PAFAH1B2: variants seen among roughly 807,000 people sequenced by gnomAD.
PAFAH1B2 encodes platelet-activating factor acetylhydrolase IB subunit alpha2.
Under a neutral mutation model 28.0 loss-of-function variants are expected in PAFAH1B2, and 8 were observed. The observed-to-expected ratio is 0.29, with a 90% CI of 0.17 to 0.52. The LOEUF (loss-of-function observed/expected upper bound fraction) is 0.52. Ranked by LOEUF, PAFAH1B2 falls within the 20% of genes least tolerant of loss-of-function variation. The probability of loss-of-function intolerance (pLI) is 0.97; values close to 1 mark genes in which losing one functional copy is unlikely to be tolerated. For synonymous variants in PAFAH1B2, 104 were observed against 103.2 expected (o/e 1.01, Z -0.05); for missense variants, 190 against 282.6 (o/e 0.67, Z 2.35).
chr11:117,171,371 A>G (rs1956645905), downstream of PAFAH1B2, among the ~76,000 whole-genome samples: 1 of 152,158 alleles, frequency 6.6e-6, no homozygotes, highest in Admixed American at 6.5e-5. Flanking sequence ...GGTGAATGTC[A>G]TCAGTCAGTA....
In PAFAH1B2 at chr11:117,169,706, T is replaced by A; in HGVS notation, c.*2007T>A. On this transcript the variant is annotated 3_prime_UTR_variant, in exon 6 of 6. Coordinates refer to ENST00000527958, the MANE Select transcript of PAFAH1B2 (RefSeq NM_002572.4). ...TACGACATTAAAAATTTCCTTTTTA[T>A]TTTTAGTAGCCCAGGTTGAGTTTTT... 1 of 1,057,638 alleles carries A rather than the reference T, an allele frequency of 9.5e-7. No homozygotes were observed. The highest frequency in any genetic ancestry group is 1.1e-6 in the Non-Finnish European group (1 of 874,566). 65.5% of individuals were successfully genotyped at this position (1,057,638 alleles called of 1,614,324 possible). A position where few individuals can be genotyped will look rare whatever the true frequency, so the allele number is the denominator to read the frequency against.
intron 2 of PAFAH1B2, among the ~76,000 whole-genome samples, chr11:117,158,641 T>C (rs996576575): frequency 9.6e-3 from 51 of 5,310 alleles, no homozygotes; most frequent in African/African-American, 0.05. Flanking sequence ...GTTTGTGGGC[T>C]TTTTTTTTTT....
At chr11:117,174,067 C>T (rs183412289), downstream of PAFAH1B2, among the ~76,000 whole-genome samples, 1 of 152,220 alleles carries the variant, frequency 6.6e-6, no homozygotes, top group Non-Finnish European at 1.5e-5. Context: ...CATGGCTACT[C>T]CCTACCTCCC....
chr11:117,158,933 C>G (rs1236125272), intron 2 of PAFAH1B2, among the ~76,000 whole-genome samples: 1 of 152,188 alleles, frequency 6.6e-6, no homozygotes, highest in Admixed American at 6.5e-5. Flanking sequence ...GCGTGAGCCA[C>G]CGCACCATTT....
rs756913950 is a variant in PAFAH1B2 at position 117,161,221 on chromosome 11, G to C, written c.248G>C (p.Trp83Ser). Residue 83 changes from tryptophan (W) to serine (S), a missense_variant, in exon 4 of 6, where the codon TGG becomes TCG. Transcript: ENST00000527958. Reference sequence around the variant, plus strand: ...GGAGATACAACAAGACATGTTTTGTGGAGACTAAAGAATGGAGAACTGGAG... The same window carrying C: ...GGAGATACAACAAGACATGTTTTGTCGAGACTAAAGAATGGAGAACTGGAG... ...IGGDTTRHVL[W>S]RLKNGELENI... The C allele has an allele frequency of 6.3e-7, 1 of 1,590,074 alleles. No homozygotes were observed. Among genetic ancestry groups the C allele is most frequent in the Non-Finnish European group, 8.5e-7 (1 of 1,173,314 alleles).
At chr11:117,156,779 T>A (rs1956263739) in intron 2 of PAFAH1B2, among the ~76,000 whole-genome samples, 1 of 152,012 alleles carries the variant, frequency 6.6e-6, no homozygotes, top group Admixed American at 6.6e-5. Context: ...TCTCAGCACC[T>A]TGGGAGGCAG....
rs188298042 is a variant in PAFAH1B2 at position 117,155,979 on chromosome 11, C to T, written c.81+3451C>T. 1.2e-3 allele frequency among the ~76,000 whole-genome samples: 185 copies of T among 152,080 alleles called. 1 individual carries two copies. The highest frequency in any genetic ancestry group is 4.3e-3 in the African/African-American group (178 of 41,490). ...GCTGAGGCCAGTAGATTGTTTGAGG[C>T]CAGAAGTGCAGCCTAGGAAACACAC... On this transcript the variant is annotated intron_variant, in intron 2 of 5. Transcript: ENST00000527958.
At chr11:117,157,796 C>T (rs1378840131) in intron 2 of PAFAH1B2, among the ~76,000 whole-genome samples, 1 of 152,154 alleles carries the variant, frequency 6.6e-6, no homozygotes, top group Non-Finnish European at 1.5e-5. Context: ...CCTAGACCTA[C>T]ATTACAGACC....
rs45535637 is a variant in PAFAH1B2 at position 117,168,690 on chromosome 11, G to A, written c.*991G>A. 1.4e-3 allele frequency: 1,505 copies of A among 1,061,440 alleles called. 2 individuals carry two copies. The highest frequency in any genetic ancestry group is 1.6e-3 in the Non-Finnish European group (1,430 of 877,054). 65.8% of individuals were successfully genotyped at this position (1,061,440 alleles called of 1,614,324 possible). A position where few individuals can be genotyped will look rare whatever the true frequency, so the allele number is the denominator to read the frequency against. ...GTTAACAGTTTTTTTTGGGGGTGGGGGGATTCAGAACTCTTGTTTCCCATT... is the reference window on the plus strand; with the variant it reads ...GTTAACAGTTTTTTTTGGGGGTGGGAGGATTCAGAACTCTTGTTTCCCATT... On this transcript the variant is annotated 3_prime_UTR_variant, in exon 6 of 6. Coordinates refer to ENST00000527958, the MANE Select transcript of PAFAH1B2 (RefSeq NM_002572.4).
rs1956559921 is a variant in PAFAH1B2, at chr11:117,168,392, TCCTCCTTATTC to T, written c.*696_*706del. The T allele has an allele frequency of 2.9e-6, 3 of 1,051,742 alleles. No individual in the cohort carries two copies. The highest frequency in any genetic ancestry group is 3.4e-6 in the Non-Finnish European group (3 of 871,496). The allele number at this position is 1,051,742 out of a possible 1,614,324, so 65.2% of individuals were successfully genotyped here. A position where few individuals can be genotyped will look rare whatever the true frequency, so the allele number is the denominator to read the frequency against. On this transcript the variant is annotated 3_prime_UTR_variant, in exon 6 of 6. Transcript: ENST00000527958. ...ATAATAGACCCGTGCATGCAGCCTT[TCCTCCTTATTC>T]CCCTTCATGCCCCCCTTTCCCCTTC...
rs554123990 is a variant in PAFAH1B2, at chr11:117,167,767, T to C, written c.*68T>C. The C allele has an allele frequency of 1.0e-5, 14 of 1,397,826 alleles. No homozygotes were observed. In the East Asian group the frequency reaches 3.3e-4, roughly 33 times the overall value. 86.6% of individuals were successfully genotyped at this position (1,397,826 alleles called of 1,614,324 possible). ...CAGTTCTATCACTGGCACTACAGAA[T>C]CCTTCTCTTTCTTAAGGCACTTTGC... On this transcript the variant is annotated 3_prime_UTR_variant, in exon 6 of 6. Transcript: ENST00000527958.
At position 117,165,691 on chromosome 11, in the gene PAFAH1B2, A is replaced by G. The variant is rs577172752; in HGVS notation, c.412-1730A>G. Among the ~76,000 whole-genome samples the G allele has an allele frequency of 2.0e-5, 3 of 152,330 alleles. No homozygotes were observed. In the East Asian group the frequency reaches 5.8e-4, roughly 29 times the overall value. ...TTCATTGGTTTCCAGACAAATAGGG[A>G]AAGAAGGAAGGTATTATAGAAAAAT... On this transcript the variant is annotated intron_variant, in intron 5 of 5. Coordinates refer to ENST00000527958, the MANE Select transcript of PAFAH1B2 (RefSeq NM_002572.4).
At chr11:117,145,054 G>T (rs1244132645) in intron 1 of PAFAH1B2, among the ~76,000 whole-genome samples, 1 of 152,192 alleles carries the variant, frequency 6.6e-6, no homozygotes, top group African/African-American at 2.4e-5. Flanking sequence ...TCACCACTCG[G>T]AAGGGATTAT....
chr11:117,156,681 C>CT (rs1469565265), intron 2 of PAFAH1B2, among the ~76,000 whole-genome samples: 2 of 152,000 alleles, frequency 1.3e-5, no homozygotes, highest in Non-Finnish European at 2.9e-5. Flanking sequence ...GCATAGCAGT[C>CT]TTAAATTCCA....
In PAFAH1B2 at chr11:117,160,437, T is replaced by C. The variant is rs189427784; in HGVS notation, c.171+414T>C. 2.6e-5 allele frequency among the ~76,000 whole-genome samples: 4 copies of C among 152,308 alleles called. No homozygotes were observed. In the East Asian group the frequency reaches 5.8e-4, roughly 22 times the overall value. ...TGTAGTAAGCTATTGCCAATCTTCTTTTAGGGTTTAGGCATTCTTCCATGG... is the reference window on the plus strand; with the variant it reads ...TGTAGTAAGCTATTGCCAATCTTCTCTTAGGGTTTAGGCATTCTTCCATGG... On this transcript the variant is annotated intron_variant, in intron 3 of 5. Transcript: ENST00000527958.
At chr11:117,146,130 T>G (rs71466797) in intron 1 of PAFAH1B2, among the ~76,000 whole-genome samples, 67,838 of 149,698 alleles carry the variant, frequency 0.45, 17,951 homozygotes, top group Non-Finnish European at 0.61. Context: ...TTTTTTTTTT[T>G]TTTGTGTGTG....
At chr11:117,173,109 G>A (rs1226358772), downstream of PAFAH1B2, among the ~76,000 whole-genome samples, 1 of 152,230 alleles carries the variant, frequency 6.6e-6, no homozygotes, top group South Asian at 2.1e-4. Context: ...AGACGGTCAA[G>A]TATTTATCTG....
rs35543434 is a variant in PAFAH1B2, at chr11:117,144,325, G to C, written c.-101G>C. 2 of 403,790 alleles carry C rather than the reference G, an allele frequency of 5.0e-6. No homozygotes were observed. The highest frequency in any genetic ancestry group is 1.7e-5 in the South Asian group (1 of 60,166). The allele number at this position is 403,790 out of a possible 1,614,324, so 25.0% of individuals were successfully genotyped here. A position where few individuals can be genotyped will look rare whatever the true frequency, so the allele number is the denominator to read the frequency against. On this transcript the variant is annotated 5_prime_UTR_variant, in exon 1 of 6. Transcript: ENST00000527958. Reference sequence around the variant, plus strand: ...CTGGTGCTGGGGCCGGAGGAGGGACGCGCCGGAGCGGGACCGACGGGACCG... The same window carrying C: ...CTGGTGCTGGGGCCGGAGGAGGGACCCGCCGGAGCGGGACCGACGGGACCG...
exon 6 of PAFAH1B2, chr11:117,176,864 G>A (rs1416596418): frequency 2.3e-5 from 3 of 131,582 alleles, no homozygotes; most frequent in African/African-American, 8.8e-5. Context: ...GTGACAGTGA[G>A]ACTCCATCTC....
Sources: allele counts gnomAD v4.1 joint callset (sites outside exome capture counted in the v4.1 genomes callset), GRCh38; gene constraint gnomAD v4.1.1; transcripts MANE v1.5; gene names NCBI Gene and HGNC (gene_info 2026-07-23, HGNC 2026-07-21).